The following KRT78 variants were observed in gnomAD, a reference collection of about 807,000 sequenced individuals.
KRT78 encodes keratin 78.
A neutral mutation model predicts 51.4 loss-of-function variants in KRT78; 55 were observed. That is an observed-to-expected ratio of 1.07 (90% CI 0.86 to 1.34). The LOEUF is 1.34. Ranked by LOEUF, KRT78 falls within the 40% of genes most tolerant of loss-of-function variation. The probability of loss-of-function intolerance (pLI) is 0.00; values close to 1 mark genes in which losing one functional copy is unlikely to be tolerated. For missense variants in KRT78, 652 were observed against 649.4 expected (o/e 1.00, Z -0.04); for synonymous variants, 291 against 264.3 (o/e 1.10, Z -0.98).
intron 2 of KRT78, among the ~76,000 whole-genome samples, chr12:52,847,648 A>G (rs914913326): frequency 6.6e-6 from 1 of 152,238 alleles, no homozygotes; most frequent in African/African-American, 2.4e-5. Flanking sequence ...GGGCCCTTGT[A>G]GCTGGGGCAT....
chr12:52,848,017 C>T lies in KRT78; in HGVS notation c.489G>A (p.Glu163=). Residue 163 remains glutamate, a synonymous_variant, in exon 2 of 9, where the codon GAG becomes GAA. Coordinates refer to ENST00000304620, the MANE Select transcript of KRT78 (RefSeq NM_173352.4). ...GCTTCCTGAGCTGATCCAGGCAGGC[C>T]TCAAAGACAGGCTCCAGGCCCTGCT... ...GSQQGLEPVF[E]ACLDQLRKQL... 6.2e-7 allele frequency: 1 copy of T among 1,614,186 alleles called. No individual in the cohort carries two copies. Among genetic ancestry groups the T allele is most frequent in the South Asian group, 1.1e-5 (1 of 91,082 alleles).
chr12:52,841,029 C>T (rs1940484405), intron 6 of KRT78, among the ~76,000 whole-genome samples: 1 of 152,216 alleles, frequency 6.6e-6, no homozygotes, highest in Admixed American at 6.5e-5. Context: ...CTCGGCACCT[C>T]TCCCAGGGTG....
intron 2 of KRT78, among the ~76,000 whole-genome samples, chr12:52,847,278 G>C (rs1940664675): frequency 6.6e-6 from 1 of 152,108 alleles, no homozygotes; most frequent in African/African-American, 2.4e-5. Flanking sequence ...AGGCCAGAAG[G>C]GCAGGTGACA....
Position 52,846,312 on chromosome 12 carries a change from G to A in KRT78, c.661-20C>T, listed in dbSNP as rs1268026801. ...CACATCCTGGAGACAAGGGGAGAGA[G>A]AACACGTAACCCCCTCTTCCTCTTT... On this transcript the variant is annotated intron_variant, in intron 3 of 8. Transcript: ENST00000304620. The A allele has an allele frequency of 1.4e-6, 2 of 1,479,090 alleles. No individual in the cohort carries two copies. The highest frequency in any genetic ancestry group is 1.9e-6 in the Non-Finnish European group (2 of 1,056,944). 91.6% of individuals were successfully genotyped at this position (1,479,090 alleles called of 1,614,324 possible).
chr12:52,840,297 T>A (rs1189133011), intron 6 of KRT78, among the ~76,000 whole-genome samples: 1 of 151,958 alleles, frequency 6.6e-6, no homozygotes, highest in African/African-American at 2.4e-5. Flanking sequence ...TAATTAAGGA[T>A]CTCATGATCA....
Position 52,844,166 on chromosome 12 carries a change from G to C in KRT78, c.974C>G (p.Thr325Arg), listed in dbSNP as rs145166082. 10 of 1,611,718 alleles carry C rather than the reference G, an allele frequency of 6.2e-6. No individual in the cohort carries two copies. Among genetic ancestry groups the C allele is most frequent in the African/African-American group, 1.3e-5 (1 of 74,660 alleles). Residue 325 changes from threonine (T) to arginine (R), a missense_variant, in exon 6 of 9, where the codon ACG becomes AGG. By Grantham distance (71) the Thr-to-Arg change is moderately conservative (BLOSUM62 -1). Transcript: ENST00000304620. ...AQLHGDRMQE[T>R]KVQISQLHQE... ...GTGTAGCTGAGAGATCTGGACTTTCGTTTCCTGCATCCTGTCCCCATGAAG... is the reference window on the plus strand; with the variant it reads ...GTGTAGCTGAGAGATCTGGACTTTCCTTTCCTGCATCCTGTCCCCATGAAG...
At position 52,848,721 on chromosome 12, in the gene KRT78, A is replaced by C. The variant is rs1416905997; in HGVS notation, c.210T>G (p.Ser70Arg). 2.5e-6 allele frequency: 4 copies of C among 1,607,176 alleles called. No individual in the cohort carries two copies. Among genetic ancestry groups the C allele is most frequent in the African/African-American group, 2.7e-5 (2 of 73,218 alleles). ...GGCACAGGGAGAGCCCAGGCCCACCACTCCACTCCCCAAACCGCACCCCCA... is the reference window on the plus strand; with the variant it reads ...GGCACAGGGAGAGCCCAGGCCCACCCCTCCACTCCCCAAACCGCACCCCCA... ...GRLGVRFGEW[S>R]GGPGLSLCPP... Residue 70 changes from serine (S) to arginine (R), a missense_variant, in exon 1 of 9, where the codon AGT becomes AGG. Physicochemically the swap from Ser to Arg is moderately radical, Grantham distance 110 (BLOSUM62 -1). Coordinates refer to ENST00000304620, the MANE Select transcript of KRT78 (RefSeq NM_173352.4).
intron 6 of KRT78, among the ~76,000 whole-genome samples, chr12:52,842,113 C>T (rs1940513343): frequency 6.6e-6 from 1 of 152,206 alleles, no homozygotes; most frequent in African/African-American, 2.4e-5. Flanking sequence ...GGATTCATCA[C>T]ATTCATCTCA....
At chr12:52,841,205 C>T (rs183575201) in intron 6 of KRT78, among the ~76,000 whole-genome samples, 3 of 152,038 alleles carry the variant, frequency 2.0e-5, no homozygotes, top group Non-Finnish European at 4.4e-5. Flanking sequence ...TAATCTCTAC[C>T]GGGCGCGGTG....
chr12:52,842,921 AGAAAG>A (rs1328978875), intron 6 of KRT78, among the ~76,000 whole-genome samples: 3 of 146,008 alleles, frequency 2.1e-5, no homozygotes, highest in Admixed American at 1.4e-4. Context: ...CATGAAAGAA[AGAAAG>A]GAAAGAAAGA....
chr12:52,848,949 C>A lies in KRT78; in HGVS notation c.-19G>T. On this transcript the variant is annotated 5_prime_UTR_variant, in exon 1 of 9. Coordinates refer to ENST00000304620, the MANE Select transcript of KRT78 (RefSeq NM_173352.4). Reference sequence around the variant, plus strand: ...GAGACATGGCAGAGACAGACAGTCACGCAGCTGCAGACGGACAGACAGATT... The same window carrying A: ...GAGACATGGCAGAGACAGACAGTCAAGCAGCTGCAGACGGACAGACAGATT... 4 of 1,525,374 alleles carry A rather than the reference C, an allele frequency of 2.6e-6. No homozygotes were observed. The South Asian group carries it at 3.8e-5, about 15-fold the overall frequency. 94.5% of individuals were successfully genotyped at this position (1,525,374 alleles called of 1,614,324 possible).
Position 52,844,719 on chromosome 12 carries a change from A to C in KRT78, c.761T>G (p.Leu254Arg). 1.2e-6 allele frequency: 2 copies of C among 1,608,090 alleles called. No homozygotes were observed. The highest frequency in any genetic ancestry group is 1.7e-6 in the Non-Finnish European group (2 of 1,176,378). ...GCTGGCCTGGGTCTGGAGCTGGCCC[A>C]GCTCCTGCAGGGAAGACAGACTCAG... ...YFLKHLNEEE[L>R]GQLQTQASDT... The change falls in exon 5 of 9, where the codon CTG becomes CGG. Residue 254 changes from leucine (L) to arginine (R), a missense_variant. Coordinates refer to ENST00000304620, the MANE Select transcript of KRT78 (RefSeq NM_173352.4).
In KRT78 at chr12:52,846,354, C is replaced by T. The variant is rs1005149630; in HGVS notation, c.661-62G>A. 28 of 1,039,364 alleles carry T rather than the reference C, an allele frequency of 2.7e-5. No individual in the cohort carries two copies. The African/African-American group carries it at 4.1e-4, about 15-fold the overall frequency. The allele number at this position is 1,039,364 out of a possible 1,614,324, so 64.4% of individuals were successfully genotyped here. A position where few individuals can be genotyped will look rare whatever the true frequency, so the allele number is the denominator to read the frequency against. On this transcript the variant is annotated intron_variant, in intron 3 of 8. Coordinates refer to ENST00000304620, the MANE Select transcript of KRT78 (RefSeq NM_173352.4). ...TTCCTCTTTGGGGTCCCTACTCTGG[C>T]TCAGGAATTCTGTTCATGCACTGCT...
Position 52,848,875 on chromosome 12 carries a change from G to T in KRT78, c.56C>A (p.Ser19Tyr). The change falls in exon 1 of 9, where the codon TCT becomes TAT. Residue 19 changes from serine (S) to tyrosine (Y), a missense_variant. Physicochemically the swap from Ser to Tyr is moderately radical, Grantham distance 144. Coordinates refer to ENST00000304620, the MANE Select transcript of KRT78 (RefSeq NM_173352.4). ...CCTGCTGCGGCCCCTTGAGCGAGCA[G>T]AACAGGCTGAGCGAGCGCTGAAGCC... is the stretch of plus-strand genomic sequence containing the variant. Reference protein sequence around the residue: ...QRGFSARSACSARSRGRSRGG... With the variant: ...QRGFSARSACYARSRGRSRGG... 6.2e-7 allele frequency: 1 copy of T among 1,606,600 alleles called. No individual in the cohort carries two copies. Among genetic ancestry groups the T allele is most frequent in the Non-Finnish European group, 8.5e-7 (1 of 1,177,150 alleles).
rs199797513 is a variant in KRT78, at chr12:52,845,815, G to A, written c.756+382C>T. Among the ~76,000 whole-genome samples the A allele has an allele frequency of 7.9e-5, 12 of 152,114 alleles. No individual in the cohort carries two copies. The South Asian group carries it at 1.2e-3, about 16-fold the overall frequency. Reference sequence around the variant, plus strand: ...CTAAAAATACAAAAATTAGCTGACCGCAGTGGCGGGTGCCTGTAATCCCAC... The same window carrying A: ...CTAAAAATACAAAAATTAGCTGACCACAGTGGCGGGTGCCTGTAATCCCAC... On this transcript the variant is annotated intron_variant, in intron 4 of 8. Transcript: ENST00000304620.
rs771853635 is a variant in KRT78, at chr12:52,848,026, A to G, written c.480T>C (p.Pro160=). 2 of 1,614,174 alleles carry G rather than the reference A, an allele frequency of 1.2e-6. No homozygotes were observed. The highest frequency in any genetic ancestry group is 1.7e-6 in the Non-Finnish European group (2 of 1,180,004). Residue 160 remains proline (P), a synonymous_variant, in exon 2 of 9, where the codon CCT becomes CCC. Coordinates refer to ENST00000304620, the MANE Select transcript of KRT78 (RefSeq NM_173352.4). ...GCTGATCCAGGCAGGCCTCAAAGACAGGCTCCAGGCCCTGCTGGCTGCCAC... is the reference window on the plus strand; with the variant it reads ...GCTGATCCAGGCAGGCCTCAAAGACGGGCTCCAGGCCCTGCTGGCTGCCAC... The part of the protein sequence containing the change: ...GLSGSQQGLE[P]VFEACLDQLR...
At chr12:52,845,442 C>T (rs72648105) in intron 4 of KRT78, among the ~76,000 whole-genome samples, 6,380 of 152,262 alleles carry the variant, frequency 0.042, 251 homozygotes, top group East Asian at 0.13. Flanking sequence ...AACCCACCTG[C>T]GTGGTGACCT....
At chr12:52,848,320 C>T in intron 1 of KRT78, 199 bp from the exon 2 acceptor site, 7 of 1,505,494 alleles carry the variant, frequency 4.6e-6, no homozygotes, top group Non-Finnish European at 6.2e-6. Context: ...GGGGCAGGGC[C>T]TTCCCCCCGC....
chr12:52,848,943 C>T lies in KRT78; in HGVS notation c.-13G>A. On this transcript the variant is annotated 5_prime_UTR_variant, in exon 1 of 9. Coordinates refer to ENST00000304620, the MANE Select transcript of KRT78 (RefSeq NM_173352.4). ...GGGAGAGAGACATGGCAGAGACAGA[C>T]AGTCACGCAGCTGCAGACGGACAGA... The T allele has an allele frequency of 1.3e-5, 20 of 1,530,026 alleles. No homozygotes were observed. The highest frequency in any genetic ancestry group is 1.7e-5 in the Non-Finnish European group (19 of 1,144,176). The allele number at this position is 1,530,026 out of a possible 1,614,324, so 94.8% of individuals were successfully genotyped here.
Sources: allele counts gnomAD v4.1 joint callset (sites outside exome capture counted in the v4.1 genomes callset), GRCh38; gene constraint gnomAD v4.1.1; transcripts MANE v1.5; gene names NCBI Gene and HGNC (gene_info 2026-07-23, HGNC 2026-07-21).